MSRA: variants seen among roughly 807,000 people sequenced by gnomAD.
MSRA encodes methionine sulfoxide reductase A.
In MSRA, 54 loss-of-function variants were observed where a neutral mutation model predicts 31.3. That is an observed-to-expected ratio of 1.73 (90% CI 1.39 to 2.17). The LOEUF (loss-of-function observed/expected upper bound fraction) is 2.17. MSRA is among the 30% of genes most tolerant of loss of function. The pLI is 0.00. For missense variants in MSRA, 507 were observed against 300.9 expected (o/e 1.69, Z -5.07); for synonymous variants, 169 against 116.5 (o/e 1.45, Z -2.90).
intron 1 of MSRA, among the ~76,000 whole-genome samples, chr8:10,134,971 G>A (rs896854246): frequency 2.6e-5 from 4 of 152,150 alleles, no homozygotes; most frequent in Non-Finnish European, 1.5e-5. Flanking sequence ...GGGAACCAAC[G>A]GAGGAATGTG....
chr8:10,210,307 T>C (rs1230746648), intron 2 of MSRA, among the ~76,000 whole-genome samples: 2 of 152,202 alleles, frequency 1.3e-5, no homozygotes, highest in East Asian at 3.9e-4. Context: ...CCAAGTCTAA[T>C]TGACCTGGAA....
At chr8:10,139,195 G>C (rs17151190) in intron 1 of MSRA, among the ~76,000 whole-genome samples, 30,296 of 152,132 alleles carry the variant, frequency 0.2, 4,049 homozygotes, top group East Asian at 0.56. Context: ...GAAAGAATCT[G>C]AGAATGTTAT....
At chr8:10,302,899 C>A (rs1350542485) in intron 4 of MSRA, among the ~76,000 whole-genome samples, 2 of 152,146 alleles carry the variant, frequency 1.3e-5, no homozygotes, top group Non-Finnish European at 2.9e-5. Context: ...GTTCACGTGT[C>A]ACCCTAGCTT....
In MSRA at chr8:10,428,076, C is replaced by T. The variant is rs573858114; in HGVS notation, c.544-72C>T. 1,677 of 1,526,888 alleles carry T rather than the reference C, an allele frequency of 1.1e-3. 3 individuals carry two copies. Among genetic ancestry groups the T allele is most frequent in the Non-Finnish European group, 1.4e-3 (1,574 of 1,136,208 alleles). 94.6% of individuals were successfully genotyped at this position (1,526,888 alleles called of 1,614,324 possible). ...GCGTCTGCTCACTGCAGCCCTGGCCCCTCAGTGCCACCCCTCGCAGGTGCT... is the reference window on the plus strand; with the variant it reads ...GCGTCTGCTCACTGCAGCCCTGGCCTCTCAGTGCCACCCCTCGCAGGTGCT... On this transcript the variant is annotated intron_variant, in intron 5 of 5. Transcript: ENST00000317173.
chr8:10,140,590 C>G (rs1389633917), intron 1 of MSRA, among the ~76,000 whole-genome samples: 1 of 152,152 alleles, frequency 6.6e-6, no homozygotes, highest in Non-Finnish European at 1.5e-5. Context: ...ACAACCCCTA[C>G]ATGAACTGTT....
chr8:10,182,519 A>G (rs1806633933), intron 1 of MSRA, among the ~76,000 whole-genome samples: 2 of 152,212 alleles, frequency 1.3e-5, no homozygotes, highest in South Asian at 2.1e-4. Flanking sequence ...ATCTGCTTCC[A>G]GGCTCACTTG....
At chr8:10,385,221 G>A (rs202029164) in intron 5 of MSRA, among the ~76,000 whole-genome samples, 2 of 152,142 alleles carry the variant, frequency 1.3e-5, no homozygotes, top group East Asian at 1.9e-4. Flanking sequence ...CTGATGGCAC[G>A]CCAGGGTGAT....
intron 5 of MSRA, among the ~76,000 whole-genome samples, chr8:10,346,043 G>T (rs1482296986): frequency 6.9e-6 from 1 of 144,176 alleles, no homozygotes; most frequent in East Asian, 1.9e-4. Flanking sequence ...TCATTGTATT[G>T]TGTTTATGTG....
intron 2 of MSRA, among the ~76,000 whole-genome samples, chr8:10,229,162 C>T (rs1179918907): frequency 2.6e-5 from 4 of 152,202 alleles, no homozygotes; most frequent in Non-Finnish European, 4.4e-5. Context: ...CTCAGAGACA[C>T]ACACTCACCT....
At chr8:10,359,496 C>T (rs923301724) in intron 5 of MSRA, among the ~76,000 whole-genome samples, 1 of 151,806 alleles carries the variant, frequency 6.6e-6, no homozygotes, top group African/African-American at 2.4e-5. Context: ...TTTTTTGGTC[C>T]ATCTTTTTGG....
intron 2 of MSRA, among the ~76,000 whole-genome samples, chr8:10,227,762 A>ATCAAATACTGAAAATACAGTATTT (rs1320639473): frequency 1.3e-5 from 2 of 152,232 alleles, no homozygotes; most frequent in Non-Finnish European, 2.9e-5. Flanking sequence ...ATTAGTTGCC[A>ATCAAATACTGAAAATACAGTATTT]TCAAATACTG....
chr8:10,134,518 A>G (rs766335146), intron 1 of MSRA, among the ~76,000 whole-genome samples: 2 of 152,204 alleles, frequency 1.3e-5, no homozygotes, highest in Non-Finnish European at 2.9e-5. Flanking sequence ...TCACATACCA[A>G]GGCACTGTCA....
chr8:10,138,346 T>C (rs1223705162), intron 1 of MSRA, among the ~76,000 whole-genome samples: 1 of 152,180 alleles, frequency 6.6e-6, no homozygotes, highest in East Asian at 1.9e-4. Context: ...CGGGACACGG[T>C]GTGGATGTCA....
intron 1 of MSRA, among the ~76,000 whole-genome samples, chr8:10,152,298 C>A (rs535941171): frequency 2.3e-4 from 35 of 152,270 alleles, no homozygotes; most frequent in African/African-American, 7.9e-4. Flanking sequence ...TGGATTGAGT[C>A]ATAAAAGTAT....
At chr8:10,216,449 A>G (rs1485695069) in intron 2 of MSRA, among the ~76,000 whole-genome samples, 1 of 152,180 alleles carries the variant, frequency 6.6e-6, no homozygotes, top group East Asian at 1.9e-4. Flanking sequence ...CATTGTAACC[A>G]TTTTTTAAGC....
At chr8:10,247,827 G>T (rs951476046) in intron 3 of MSRA, among the ~76,000 whole-genome samples, 1 of 152,186 alleles carries the variant, frequency 6.6e-6, no homozygotes. Flanking sequence ...AGGCAGAGAG[G>T]AGCTATGATA....
chr8:10,263,511 C>T (rs1280169888), intron 3 of MSRA, among the ~76,000 whole-genome samples: 1 of 152,224 alleles, frequency 6.6e-6, no homozygotes, highest in African/African-American at 2.4e-5. Flanking sequence ...TATATGGCAG[C>T]CTCTAAGAGC....
chr8:10,192,226 C>G (rs771113720), intron 1 of MSRA, among the ~76,000 whole-genome samples: 76 of 152,198 alleles, frequency 5.0e-4, no homozygotes, highest in Non-Finnish European at 6.3e-4. Flanking sequence ...CAGTGAATCA[C>G]TAAGTTCGGC....
intron 5 of MSRA, among the ~76,000 whole-genome samples, chr8:10,346,708 A>G (rs892830403): frequency 2.0e-5 from 3 of 152,198 alleles, no homozygotes; most frequent in African/African-American, 7.2e-5. Context: ...TGTGTAATAG[A>G]TTAGGGGTAC....
Sources: gnomAD v4.1 joint callset for allele counts (sites outside exome capture counted in the v4.1 genomes callset) on GRCh38, gnomAD v4.1.1 for gene constraint, MANE v1.5 for transcripts, NCBI Gene and HGNC (gene_info 2026-07-23, HGNC 2026-07-21) for gene names.